Variants in UMAD1 observed in about 807,000 individuals in gnomAD.
The protein encoded by UMAD1 is UBAP1-MVB12-associated (UMA)-domain containing protein 1.
Under a neutral mutation model 6.1 loss-of-function variants are expected in UMAD1, and 8 were observed. The ratio of observed to expected loss-of-function variants is 1.30; its 90% CI spans 0.76 to 2.35. The LOEUF (loss-of-function observed/expected upper bound fraction) is 2.35. Ranked by LOEUF, UMAD1 falls within the 30% of genes most tolerant of loss-of-function variation. UMAD1 has a pLI of 0.00. For synonymous variants in UMAD1, 56 were observed against 31.4 expected, an observed-to-expected ratio of 1.78 and a Z score of -2.61; for missense variants, 130 against 78.4, an observed-to-expected ratio of 1.66 and a Z score of -2.49.
At chr7:7,737,543 A>G (rs903844044) in intron 2 of UMAD1, among the ~76,000 whole-genome samples, 1 of 127,140 alleles carries the variant, frequency 7.9e-6, no homozygotes, top group Non-Finnish European at 1.7e-5. Flanking sequence ...CTGCCACAGC[A>G]TGAATGAAGA....
At chr7:7,777,373 G>C (rs1422810452) in intron 2 of UMAD1, among the ~76,000 whole-genome samples, 1 of 151,460 alleles carries the variant, frequency 6.6e-6, no homozygotes, top group Non-Finnish European at 1.5e-5. Context: ...GGGCGTGGTG[G>C]TGGGTGCCTG....
intron 2 of UMAD1, among the ~76,000 whole-genome samples, chr7:7,757,906 G>A (rs1781809376): frequency 6.6e-6 from 1 of 152,076 alleles, no homozygotes; most frequent in African/African-American, 2.4e-5. Flanking sequence ...GTGTTGTGTT[G>A]TGTTTGATCC....
At chr7:7,652,189 G>A (rs1054272344) in intron 1 of UMAD1, among the ~76,000 whole-genome samples, 4 of 152,168 alleles carry the variant, frequency 2.6e-5, no homozygotes, top group African/African-American at 9.7e-5. Context: ...TGTGGTTCAT[G>A]CTCCTGTTTT....
intron 2 of UMAD1, among the ~76,000 whole-genome samples, chr7:7,699,051 G>T (rs957822): frequency 0.14 from 9,919 of 69,756 alleles, 344 homozygotes; most frequent in Middle Eastern, 0.24. Flanking sequence ...TGTGTGTGTG[G>T]GGGGGGGGTA....
intron 3 of UMAD1, among the ~76,000 whole-genome samples, chr7:7,808,131 C>T (rs886559796): frequency 1.3e-5 from 2 of 151,956 alleles, no homozygotes; most frequent in Non-Finnish European, 2.9e-5. Flanking sequence ...TCATTAGACT[C>T]TGATATTTGA....
intron 3 of UMAD1, among the ~76,000 whole-genome samples, chr7:7,849,114 C>T (rs1783864934): frequency 1.3e-5 from 2 of 152,148 alleles, no homozygotes; most frequent in East Asian, 1.9e-4. Flanking sequence ...TAGTGACTAA[C>T]ATTTATTGAT....
chr7:7,722,231 C>A (rs12113703), intron 2 of UMAD1, among the ~76,000 whole-genome samples: 3,795 of 150,590 alleles, frequency 0.025, 173 homozygotes, highest in African/African-American at 0.085. Flanking sequence ...TTAGTTCTGT[C>A]CCTCCAGTGA....
chr7:7,755,466 T>C (rs1373528237), intron 2 of UMAD1, among the ~76,000 whole-genome samples: 4 of 152,224 alleles, frequency 2.6e-5, no homozygotes, highest in Non-Finnish European at 5.9e-5. Context: ...TCTTGCTAGA[T>C]TGAATTTCAG....
rs1196402563 is a variant in UMAD1, at chr7:7,684,651, T to C, written c.82+11198T>C. On this transcript the variant is annotated intron_variant, in intron 2 of 3. Coordinates refer to ENST00000682710, the MANE Select transcript of UMAD1 (RefSeq NM_001302348.2). ...AATCAGTGGAACAACTGGGAAGCAT[T>C]TTATTAAATTAATTATACAATGTGA... Among the ~76,000 whole-genome samples, 7 of 152,206 alleles carry C rather than the reference T, an allele frequency of 4.6e-5. No homozygotes were observed. In the East Asian group the frequency reaches 1.3e-3, roughly 29 times the overall value.
At chr7:7,757,249 T>C (rs910283578) in intron 2 of UMAD1, among the ~76,000 whole-genome samples, 1 of 152,202 alleles carries the variant, frequency 6.6e-6, no homozygotes, top group Non-Finnish European at 1.5e-5. Context: ...TATTTTCACA[T>C]TTTTTCACAC....
intron 3 of UMAD1, among the ~76,000 whole-genome samples, chr7:7,814,833 C>T (rs1316536725): frequency 6.6e-6 from 1 of 152,132 alleles, no homozygotes; most frequent in Non-Finnish European, 1.5e-5. Context: ...GTCAGCTACA[C>T]ACTTACCTCC....
intron 2 of UMAD1, among the ~76,000 whole-genome samples, chr7:7,781,054 A>G (rs1049320735): frequency 9.9e-5 from 15 of 152,212 alleles, no homozygotes; most frequent in African/African-American, 3.6e-4. Flanking sequence ...AAAAGCTTAT[A>G]CATTCTTCAA....
At chr7:7,841,516 C>T (rs1270414797) in intron 3 of UMAD1, among the ~76,000 whole-genome samples, 1 of 152,008 alleles carries the variant, frequency 6.6e-6, no homozygotes, top group Non-Finnish European at 1.5e-5. Context: ...GTTGCTCAGG[C>T]AGGTCTTCAA....
intron 3 of UMAD1, among the ~76,000 whole-genome samples, 186 bp downstream of exon 3, chr7:7,801,929 C>G (rs1782807823): frequency 6.6e-6 from 1 of 152,170 alleles, no homozygotes; most frequent in South Asian, 2.1e-4. Context: ...GTGCTAAACT[C>G]CTTTAGTGCT....
chr7:7,675,601 T>C lies in UMAD1; in HGVS notation c.82+2148T>C, dbSNP rs139837665. Among the ~76,000 whole-genome samples, 21 of 152,304 alleles carry C rather than the reference T, an allele frequency of 1.4e-4. No homozygotes were observed. The East Asian group carries it at 3.5e-3, about 25-fold the overall frequency. On this transcript the variant is annotated intron_variant, in intron 2 of 3. Transcript: ENST00000682710. Reference sequence around the variant, plus strand: ...AAGGCACACAAACTTCCAAATTTCGTATTTTAAGAAGGAATTTCCGGGACC... The same window carrying C: ...AAGGCACACAAACTTCCAAATTTCGCATTTTAAGAAGGAATTTCCGGGACC...
chr7:7,786,123 C>T (rs1410415572), intron 2 of UMAD1, among the ~76,000 whole-genome samples: 1 of 152,176 alleles, frequency 6.6e-6, no homozygotes, highest in Non-Finnish European at 1.5e-5. Flanking sequence ...AAAGCAAGGG[C>T]ATCTCCTACA....
chr7:7,818,754 A>G (rs773999114), intron 3 of UMAD1, among the ~76,000 whole-genome samples: 20 of 152,358 alleles, frequency 1.3e-4, no homozygotes, highest in Middle Eastern at 3.4e-3. Flanking sequence ...AAGACATGGA[A>G]TCAACCTCCA....
intron 2 of UMAD1, among the ~76,000 whole-genome samples, chr7:7,799,931 T>C (rs1202703392): frequency 6.6e-6 from 1 of 152,266 alleles, no homozygotes; most frequent in African/African-American, 2.4e-5. Context: ...TTCCCCAGGC[T>C]GGAGTGCAAT....
chr7:7,653,348 T>G (rs936281641), intron 1 of UMAD1, among the ~76,000 whole-genome samples: 1 of 152,240 alleles, frequency 6.6e-6, no homozygotes, highest in Non-Finnish European at 1.5e-5. Context: ...TTGCCTTCTT[T>G]GTCAGTGATT....
Sources: gnomAD v4.1 joint callset for allele counts (sites outside exome capture counted in the v4.1 genomes callset) on GRCh38, gnomAD v4.1.1 for gene constraint, MANE v1.5 for transcripts, NCBI Gene and HGNC (gene_info 2026-07-23, HGNC 2026-07-21) for gene names.